THBS1: variants seen among roughly 807,000 people sequenced by gnomAD.
THBS1 encodes the protein thrombospondin 1, also known as thrombospondin-1.
THBS1 carries 29 observed loss-of-function variants against 126.1 expected under a neutral mutation model. The observed-to-expected ratio is 0.23, with a 90% CI of 0.17 to 0.31. The LOEUF is 0.31. Among genes scored for constraint, THBS1 ranks in the 10% least tolerant of loss-of-function variants. The probability of loss-of-function intolerance (pLI) is 1.00; values close to 1 mark genes in which losing one functional copy is unlikely to be tolerated. For synonymous variants in THBS1, 496 were observed against 577.8 expected (o/e 0.86, Z 2.03); for missense variants, 1,198 against 1,545.2 (o/e 0.78, Z 3.77).
chr15:39,584,481 T>A lies in THBS1; in HGVS notation c.1026+59T>A, dbSNP rs371355811. On this transcript the variant is annotated intron_variant, in intron 6 of 21. Coordinates refer to ENST00000260356, the MANE Select transcript of THBS1 (RefSeq NM_003246.4). Reference sequence around the variant, plus strand: ...ACGGCTTTTGTTTGAACCTACATCTTTGGGGAAATACCCTAATCGCCACAG... The same window carrying A: ...ACGGCTTTTGTTTGAACCTACATCTATGGGGAAATACCCTAATCGCCACAG... 8.1e-6 allele frequency: 13 copies of A among 1,603,808 alleles called. No individual in the cohort carries two copies. The East Asian group carries it at 2.7e-4, about 33-fold the overall frequency.
chr15:39,591,274 C>T lies in THBS1; in HGVS notation c.2337C>T (p.Tyr779=). ...DVGDRCDNCP[Y]NHNPDQADTD... ...GAGACCGCTGTGACAACTGTCCCTA[C>T]AACCACAACCCAGATCAGGCAGACA... Residue 779 remains tyrosine (Y), a synonymous_variant, in exon 15 of 22, where the codon TAC becomes TAT. Coordinates refer to ENST00000260356, the MANE Select transcript of THBS1 (RefSeq NM_003246.4). 6.2e-7 allele frequency: 1 copy of T among 1,614,216 alleles called. No individual in the cohort carries two copies. The highest frequency in any genetic ancestry group is 8.5e-7 in the Non-Finnish European group (1 of 1,180,028).
rs199521173 is a variant in THBS1 at position 39,581,861 on chromosome 15, G to A, written c.4G>A (p.Gly2Arg). The A allele has an allele frequency of 1.1e-5, 18 of 1,613,992 alleles. No individual in the cohort carries two copies. The highest frequency in any genetic ancestry group is 2.7e-5 in the African/African-American group (2 of 75,010). The stretch of plus-strand genomic sequence containing the variant: ...GCTGGGCACCAACAGCTCCACCATG[G>A]GGCTGGCCTGGGGACTAGGCGTCCT... MGLAWGLGVLFL... is the reference protein window; with the variant it reads MRLAWGLGVLFL... The change falls in exon 2 of 22, where the codon GGG (glycine) becomes AGG (arginine). Residue 2 changes from glycine (G) to arginine (R), a missense_variant. Transcript: ENST00000260356.
intron 14 of THBS1, chr15:39,590,876 G>A (rs1043722690): frequency 1.1e-5 from 6 of 534,930 alleles, no homozygotes; most frequent in African/African-American, 5.8e-5. Flanking sequence ...ATAAACAAAT[G>A]CCACTTTGTT....
In THBS1 at chr15:39,584,051, C is replaced by T; in HGVS notation, c.767C>T (p.Thr256Ile). 6.2e-7 allele frequency: 1 copy of T among 1,614,240 alleles called. No individual in the cohort carries two copies. The highest frequency in any genetic ancestry group is 1.6e-4 in the Middle Eastern group (1 of 6,062). The change falls in exon 5 of 22, where the codon ACT becomes ATT. Residue 256 changes from threonine to isoleucine, a missense_variant. Physicochemically the swap from Thr to Ile is moderately conservative, Grantham distance 89. This residue lies in a region of THBS1 where 663 missense variants were observed against 860.1 expected (regional missense o/e 0.77). Transcript: ENST00000260356. The part of the protein sequence containing the change: ...VVNGSSPAIR[T>I]NYIGHKTKDL... ...AATGGTTCCAGCCCTGCCATCCGCA[C>T]TAACTACATTGGCCACAAGACAAAG... is the stretch of plus-strand genomic sequence containing the variant.
rs1398750659 is a variant in THBS1 at position 39,590,039 on chromosome 15, T to C, written c.2145+16T>C. On this transcript the variant is annotated intron_variant, in intron 13 of 21. Transcript: ENST00000260356. ...CTGCAAAAAGGTAGAGCCAGGTCCTTTGTGTGCCTCCAGAAAGAGGGCCCA... is the reference window on the plus strand; with the variant it reads ...CTGCAAAAAGGTAGAGCCAGGTCCTCTGTGTGCCTCCAGAAAGAGGGCCCA... 2 of 1,562,434 alleles carry C rather than the reference T, an allele frequency of 1.3e-6. No individual in the cohort carries two copies. The highest frequency in any genetic ancestry group is 1.7e-6 in the Non-Finnish European group (2 of 1,151,554).
In THBS1 at chr15:39,591,174, A is replaced by C; in HGVS notation, c.2254-17A>C. The C allele has an allele frequency of 6.2e-7, 1 of 1,611,706 alleles. No homozygotes were observed. Among genetic ancestry groups the C allele is most frequent in the South Asian group, 1.1e-5 (1 of 90,736 alleles). On this transcript the variant is annotated splice_polypyrimidine_tract_variant and intron_variant, in intron 14 of 21. Transcript: ENST00000260356. Reference sequence around the variant, plus strand: ...CAAGGACAACATTGTTAAGTGCTCCATTTCTTCTCTTTGCAGGACAACTGT... The same window carrying C: ...CAAGGACAACATTGTTAAGTGCTCCCTTTCTTCTCTTTGCAGGACAACTGT...
In THBS1 at chr15:39,597,241, T is replaced by TGAATTGAA. The variant is rs1890471596; in HGVS notation, c.*1879_*1886dup. Reference sequence around the variant, plus strand: ...CTATTTTTATATAATGTTTGCACACTGAATTGAAGAATTGTTGGTTTTTTC... The same window carrying TGAATTGAA: ...CTATTTTTATATAATGTTTGCACACTGAATTGAAGAATTGAAGAATTGTTGGTTTTTTC... On this transcript the variant is annotated 3_prime_UTR_variant, in exon 22 of 22. Transcript: ENST00000260356. The TGAATTGAA allele has an allele frequency of 6.6e-6, 1 of 151,434 alleles. No individual in the cohort carries two copies. The highest frequency in any genetic ancestry group is 2.4e-5 in the African/African-American group (1 of 41,312). 9.4% of individuals were successfully genotyped at this position (151,434 alleles called of 1,614,324 possible).
intron 10 of THBS1, 32 bp from the exon 11 acceptor site, chr15:39,588,927 T>C: frequency 6.2e-7 from 1 of 1,614,146 alleles, no homozygotes; most frequent in Non-Finnish European, 8.5e-7. Context: ...GACCAACCAT[T>C]TACTGTGACT....
At chr15:39,591,043 C>T (rs936253209) in intron 14 of THBS1, 148 bp from the exon 15 acceptor site, 10 of 871,998 alleles carry the variant, frequency 1.1e-5, no homozygotes, top group South Asian at 7.4e-5. Context: ...TTGTAGTGAT[C>T]GTTTTACACT....
chr15:39,595,739 A>G lies in THBS1; in HGVS notation c.*370A>G, dbSNP rs1355589795. 6 of 489,542 alleles carry G rather than the reference A, an allele frequency of 1.2e-5. No homozygotes were observed. The highest frequency in any genetic ancestry group is 1.9e-5 in the African/African-American group (1 of 51,650). The allele number at this position is 489,542 out of a possible 1,614,324, so 30.3% of individuals were successfully genotyped here. A position where few individuals can be genotyped will look rare whatever the true frequency, so the allele number is the denominator to read the frequency against. On this transcript the variant is annotated 3_prime_UTR_variant, in exon 22 of 22. Coordinates refer to ENST00000260356, the MANE Select transcript of THBS1 (RefSeq NM_003246.4). ...AGTGGACTCAAAAGCATTTTCAGGC[A>G]TGTCAGAGAAGGGAGGACTCACTAG...
chr15:39,597,704 A>G lies in THBS1; in HGVS notation c.*2335A>G, dbSNP rs1289494165. 1 of 152,236 alleles carries G rather than the reference A, an allele frequency of 6.6e-6. No individual in the cohort carries two copies. The highest frequency in any genetic ancestry group is 1.5e-5 in the Non-Finnish European group (1 of 68,046). The allele number at this position is 152,236 out of a possible 1,614,324, so 9.4% of individuals were successfully genotyped here. A position where few individuals can be genotyped will look rare whatever the true frequency, so the allele number is the denominator to read the frequency against. The stretch of plus-strand genomic sequence containing the variant: ...CATTAGCCTGCCATATCAAAAACAT[A>G]TAAAAGAGAAATTATCCCTAAGTCA... On this transcript the variant is annotated 3_prime_UTR_variant, in exon 22 of 22. Coordinates refer to ENST00000260356, the MANE Select transcript of THBS1 (RefSeq NM_003246.4).
chr15:39,592,557 C>A lies in THBS1; in HGVS notation c.2533-11C>A. 6.2e-7 allele frequency: 1 copy of A among 1,603,742 alleles called. No homozygotes were observed. The highest frequency in any genetic ancestry group is 8.5e-7 in the Non-Finnish European group (1 of 1,173,648). On this transcript the variant is annotated splice_polypyrimidine_tract_variant and intron_variant, in intron 16 of 21. Coordinates refer to ENST00000260356, the MANE Select transcript of THBS1 (RefSeq NM_003246.4). This position sits in a 1 kb window ranked among gnomAD's most constrained non-coding sequence, Gnocchi z 4.3. ...ACTGCAATTTACCCTCCATTTACAT[C>A]TCTCTTTCAGCTGGACTCTGACTCA... is the stretch of plus-strand genomic sequence containing the variant.
chr15:39,584,317 G>A lies in THBS1; in HGVS notation c.921G>A (p.Glu307=), dbSNP rs761579475. 24 of 1,614,246 alleles carry A rather than the reference G, an allele frequency of 1.5e-5. No homozygotes were observed. The highest frequency in any genetic ancestry group is 1.9e-5 in the Non-Finnish European group (23 of 1,180,042). ...SIRKVTEENK[E]LANELRRPPL... ...CCATTTAGACTGAAGAGAACAAAGA[G>A]TTGGCCAATGAGCTGAGGCGGCCTC... Residue 307 remains glutamate (E), a synonymous_variant, in exon 6 of 22, where the codon GAG becomes GAA. Coordinates refer to ENST00000260356, the MANE Select transcript of THBS1 (RefSeq NM_003246.4).
In THBS1 at chr15:39,582,385, G is replaced by T; in HGVS notation, c.260G>T (p.Gly87Val). 6.2e-7 allele frequency: 1 copy of T among 1,614,178 alleles called. No individual in the cohort carries two copies. Among genetic ancestry groups the T allele is most frequent in the South Asian group, 1.1e-5 (1 of 91,086 alleles). The change falls in exon 3 of 22, where the codon GGT becomes GTT. Residue 87 changes from glycine (G) to valine (V), a missense_variant. Coordinates refer to ENST00000260356, the MANE Select transcript of THBS1 (RefSeq NM_003246.4). ...GTGGATGCTGTGCGGGCAGAAAAGGGTTTCCTCCTTCTGGCATCCCTGAGG... is the reference window on the plus strand; with the variant it reads ...GTGGATGCTGTGCGGGCAGAAAAGGTTTTCCTCCTTCTGGCATCCCTGAGG... ...DLVDAVRAEK[G>V]FLLLASLRQM...
At chr15:39,585,635 C>T in intron 7 of THBS1, 72 bp downstream of exon 7, 1 of 1,411,078 alleles carries the variant, frequency 7.1e-7, no homozygotes, top group South Asian at 1.2e-5. Flanking sequence ...GACAGCCGAG[C>T]ACAACACTGG....
Position 39,594,527 on chromosome 15 carries a change from A to G in THBS1, c.3505+87A>G. The stretch of plus-strand genomic sequence containing the variant: ...TGACGGTTATGGGGGAGTCCAGTGT[A>G]AAGACTGTTTTGGAGACAGGGTTAT... On this transcript the variant is annotated intron_variant, in intron 21 of 21. Transcript: ENST00000260356. The surrounding 1 kb of genome is among the most constrained non-coding windows in gnomAD (Gnocchi z 4.4). 1 of 1,527,774 alleles carries G rather than the reference A, an allele frequency of 6.5e-7. No individual in the cohort carries two copies. Among genetic ancestry groups the G allele is most frequent in the Non-Finnish European group, 8.8e-7 (1 of 1,138,264 alleles). 94.6% of individuals were successfully genotyped at this position (1,527,774 alleles called of 1,614,324 possible). A position where few individuals can be genotyped will look rare whatever the true frequency, so the allele number is the denominator to read the frequency against.
At position 39,589,706 on chromosome 15, in the gene THBS1, C is replaced by G; in HGVS notation, c.1927-99C>G. 1 of 1,280,046 alleles carries G rather than the reference C, an allele frequency of 7.8e-7. No individual in the cohort carries two copies. The highest frequency in any genetic ancestry group is 1.1e-6 in the Non-Finnish European group (1 of 949,748). 79.3% of individuals were successfully genotyped at this position (1,280,046 alleles called of 1,614,324 possible). Reference sequence around the variant, plus strand: ...TAACCCACACTCTTCCAAATGGAGCCTCTGTCTACTCAGAGATGACAGGGA... The same window carrying G: ...TAACCCACACTCTTCCAAATGGAGCGTCTGTCTACTCAGAGATGACAGGGA... On this transcript the variant is annotated intron_variant, in intron 12 of 21. Coordinates refer to ENST00000260356, the MANE Select transcript of THBS1 (RefSeq NM_003246.4). The surrounding 1 kb of genome is among the most constrained non-coding windows in gnomAD (Gnocchi z 4.7).
Position 39,594,841 on chromosome 15 carries a change from G to C in THBS1, c.3505+401G>C, listed in dbSNP as rs1890401702. ...CTTTTCCCTGTATACAAAGAAGGGA[G>C]AGGAATGTTGCTTTCATATTGGCAT... On this transcript the variant is annotated intron_variant, in intron 21 of 21. Coordinates refer to ENST00000260356, the MANE Select transcript of THBS1 (RefSeq NM_003246.4). The surrounding 1 kb of genome is among the most constrained non-coding windows in gnomAD (Gnocchi z 4.4). 6.6e-6 allele frequency among the ~76,000 whole-genome samples: 1 copy of C among 152,228 alleles called. No individual in the cohort carries two copies. Among genetic ancestry groups the C allele is most frequent in the Admixed American group, 6.5e-5 (1 of 15,280 alleles).
At chr15:39,583,806 C>A in intron 4 of THBS1, 114 bp downstream of exon 4, 1 of 1,287,988 alleles carries the variant, frequency 7.8e-7, no homozygotes, top group Non-Finnish European at 1.1e-6. Context: ...GTGAGATCAT[C>A]AAGAGGCATA....
Sources: allele counts gnomAD v4.1 joint callset (sites outside exome capture counted in the v4.1 genomes callset), GRCh38; gene constraint gnomAD v4.1.1; regional missense constraint gnomAD v4.1.1; non-coding constraint Gnocchi (gnomAD v3.1); transcripts MANE v1.5; gene names NCBI Gene and HGNC (gene_info 2026-07-23, HGNC 2026-07-21).